PSD4: variants seen among roughly 807,000 people sequenced by gnomAD.
PSD4 encodes the protein PH and SEC7 domain-containing protein 4.
Under a neutral mutation model 112.5 loss-of-function variants are expected in PSD4, and 59 were observed. That is an observed-to-expected ratio of 0.52 (90% CI 0.43 to 0.65). PSD4 has a LOEUF of 0.65. PSD4 is among the 30% of genes least tolerant of loss of function. The pLI, the probability that PSD4 is intolerant of heterozygous loss-of-function variation, is 0.00. For missense variants in PSD4, 1,267 were observed against 1,352.6 expected (o/e 0.94, Z 0.99); for synonymous variants, 533 against 540.0 (o/e 0.99, Z 0.18).
chr2:113,181,614 G>T (rs957749474), intron 1 of PSD4, among the ~76,000 whole-genome samples: 7 of 152,176 alleles, frequency 4.6e-5, no homozygotes, highest in Non-Finnish European at 1.0e-4. Flanking sequence ...AGAAGGCAGA[G>T]ATCTCCTCCC....
intron 1 of PSD4, among the ~76,000 whole-genome samples, chr2:113,181,863 G>A (rs529308924): frequency 4.6e-5 from 7 of 152,222 alleles, no homozygotes; most frequent in South Asian, 2.1e-4. Flanking sequence ...CCTTCATGTC[G>A]TGGGTGCCTG....
At chr2:113,197,317 T>C in intron 12 of PSD4, 2 of 563,372 alleles carry the variant, frequency 3.6e-6, no homozygotes, top group Non-Finnish European at 6.5e-6. Context: ...TGAATATCTA[T>C]ATTTGGATGT....
At position 113,203,972 on chromosome 2, in the gene PSD4, G is replaced by C. The variant is rs1343646423; in HGVS notation, c.*2557G>C. 6.6e-6 allele frequency: 1 copy of C among 152,212 alleles called. No homozygotes were observed. Among genetic ancestry groups the C allele is most frequent in the Non-Finnish European group, 1.5e-5 (1 of 68,056 alleles). 9.4% of individuals were successfully genotyped at this position (152,212 alleles called of 1,614,324 possible). Reference sequence around the variant, plus strand: ...GAACCGGCACCTCTCTTTCACCTGAGCACGTGGAATCTTCAGAGCCAGATG... The same window carrying C: ...GAACCGGCACCTCTCTTTCACCTGACCACGTGGAATCTTCAGAGCCAGATG... On this transcript the variant is annotated 3_prime_UTR_variant, in exon 17 of 17. Transcript: ENST00000245796.
intron 1 of PSD4, among the ~76,000 whole-genome samples, chr2:113,177,547 C>T (rs1688011713): frequency 6.6e-6 from 1 of 152,210 alleles, no homozygotes; most frequent in Non-Finnish European, 1.5e-5. Context: ...TGGGTTCGCA[C>T]ACCAGCTCAA....
chr2:113,196,072 G>T (rs546391663), intron 11 of PSD4, 75 bp from the exon 12 acceptor site: 1 of 1,532,080 alleles, frequency 6.5e-7, no homozygotes, highest in Non-Finnish European at 8.9e-7. Context: ...GGTTGCTAAG[G>T]CTCTGGGAGG....
At chr2:113,199,040 G>A (rs1688699025) in intron 15 of PSD4, 43 bp from the exon 16 acceptor site, 1 of 1,513,494 alleles carries the variant, frequency 6.6e-7, no homozygotes, top group Non-Finnish European at 8.8e-7. Flanking sequence ...AAGCGGCGGA[G>A]GGGACGCCCG....
intron 5 of PSD4, among the ~76,000 whole-genome samples, chr2:113,188,388 C>T (rs566782115): frequency 5.1e-4 from 78 of 152,040 alleles, no homozygotes; most frequent in African/African-American, 1.6e-3. Flanking sequence ...GGATTACAGG[C>T]GTGTGCCACC....
Position 113,185,329 on chromosome 2 carries a change from C to T in PSD4, c.1174-36C>T, listed in dbSNP as rs1281190553. ...TCCCCCATCCACCTCTCTGTGTATC[C>T]AGGGCTCATGGGAATGCCTTTGCCT... On this transcript the variant is annotated intron_variant, in intron 3 of 16. Transcript: ENST00000245796. 3 of 1,612,670 alleles carry T rather than the reference C, an allele frequency of 1.9e-6. No homozygotes were observed. The African/African-American group carries it at 4.0e-5, about 22-fold the overall frequency.
Position 113,197,549 on chromosome 2 carries a change from C to A in PSD4, c.2387-15C>A, listed in dbSNP as rs769636802. ...TGCCCCCACCTACAACATTTGTGTT[C>A]TGTTCCTGGAACAGCGCCATGGGGC... is the stretch of plus-strand genomic sequence containing the variant. On this transcript the variant is annotated splice_polypyrimidine_tract_variant and intron_variant, in intron 12 of 16. Coordinates refer to ENST00000245796, the MANE Select transcript of PSD4 (RefSeq NM_012455.3). 20 of 1,613,982 alleles carry A rather than the reference C, an allele frequency of 1.2e-5. No individual in the cohort carries two copies. Among genetic ancestry groups the A allele is most frequent in the South Asian group, 1.1e-5 (1 of 91,066 alleles).
chr2:113,175,643 T>C (rs558048521), intron 1 of PSD4, among the ~76,000 whole-genome samples: 4 of 152,220 alleles, frequency 2.6e-5, no homozygotes, highest in African/African-American at 9.6e-5. Context: ...AGGGAAAACA[T>C]TTCCAGGGTA....
At chr2:113,200,884 A>G (rs1486972008) in intron 16 of PSD4, among the ~76,000 whole-genome samples, 3 of 152,222 alleles carry the variant, frequency 2.0e-5, no homozygotes, top group Non-Finnish European at 4.4e-5. Context: ...AAGATGGAAC[A>G]TGGCATAGAG....
At chr2:113,184,914 C>G in intron 2 of PSD4, 43 bp from the exon 3 acceptor site, 1 of 1,610,858 alleles carries the variant, frequency 6.2e-7, no homozygotes, top group Non-Finnish European at 8.5e-7. Context: ...CTCTAGTCAC[C>G]TCTCCTCTCC....
chr2:113,178,274 CT>C (rs1361441590), intron 1 of PSD4, among the ~76,000 whole-genome samples: 44 of 152,170 alleles, frequency 2.9e-4, no homozygotes, highest in African/African-American at 1.0e-3. Context: ...AATACCTGAT[CT>C]GTCTCCACCC....
chr2:113,190,594 C>G (rs1444963389), intron 5 of PSD4, among the ~76,000 whole-genome samples: 2 of 152,076 alleles, frequency 1.3e-5, no homozygotes, highest in African/African-American at 4.8e-5. Flanking sequence ...ATCACTACAC[C>G]CAGCTAATTT....
At chr2:113,195,791 C>A (rs754808846) in intron 11 of PSD4, 21 bp downstream of exon 11, 1 of 1,614,008 alleles carries the variant, frequency 6.2e-7, no homozygotes, top group South Asian at 1.1e-5. Context: ...CTCCCTTTCC[C>A]CTCTCCCTCT....
At chr2:113,189,075 C>G (rs1378544123) in intron 5 of PSD4, among the ~76,000 whole-genome samples, 1 of 152,106 alleles carries the variant, frequency 6.6e-6, no homozygotes, top group Non-Finnish European at 1.5e-5. Context: ...CCCTTTACCC[C>G]TGAGTCTCCA....
At chr2:113,201,009 T>C in intron 16 of PSD4, 149 bp from the exon 17 acceptor site, 1 of 975,288 alleles carries the variant, frequency 1.0e-6, no homozygotes, top group Non-Finnish European at 1.6e-6. Context: ...CCAAGCATTA[T>C]ACTGACACTC....
chr2:113,198,828 TC>T lies in PSD4; in HGVS notation c.2716del (p.Gln906SerfsTer109). The T allele has an allele frequency of 6.3e-7, 1 of 1,597,736 alleles. No homozygotes were observed. ...GCCGCCCTTCCCCGCCGCTGTGGGCTCCCAGCGCAGATTCGTGCGGCCCATC... is the reference window on the plus strand; with the variant it reads ...GCCGCCCTTCCCCGCCGCTGTGGGCTCCAGCGCAGATTCGTGCGGCCCATC... ...SAPPFPAAVG[S>X]QRRFVRPILP... On this transcript the variant is annotated frameshift_variant, in exon 15 of 17. Transcript: ENST00000245796. LOFTEE classifies it high-confidence loss of function.
chr2:113,184,846 C>A, intron 2 of PSD4, 111 bp from the exon 3 acceptor site: 1 of 1,481,354 alleles, frequency 6.8e-7, no homozygotes. Flanking sequence ...GCCATCAGGG[C>A]AGACTGTGAA....
Sources: gnomAD v4.1 joint callset for allele counts (sites outside exome capture counted in the v4.1 genomes callset) on GRCh38, gnomAD v4.1.1 for gene constraint, MANE v1.5 for transcripts, NCBI Gene and HGNC (gene_info 2026-07-23, HGNC 2026-07-21) for gene names.